Variants in ZNF730 observed in about 807,000 individuals in gnomAD.
ZNF730 encodes the protein putative zinc finger protein 730.
Under a neutral mutation model 12.6 loss-of-function variants are expected in ZNF730, and 12 were observed. The ratio of observed to expected loss-of-function variants is 0.95; its 90% CI spans 0.61 to 1.54. The LOEUF is 1.54. Among genes scored for constraint, ZNF730 ranks in the 40% most tolerant of loss-of-function variants. The pLI is 0.00. For synonymous variants in ZNF730, 194 were observed against 195.8 expected, an observed-to-expected ratio of 0.99 and a Z score of 0.08; for missense variants, 643 against 583.5, an observed-to-expected ratio of 1.10 and a Z score of -1.05.
intron 1 of ZNF730, chr19:23,100,293 G>A (rs556873580): frequency 2.6e-5 from 4 of 152,106 alleles, no homozygotes; most frequent in Non-Finnish European, 5.9e-5. Context: ...CATATATCGT[G>A]GCCAAGCACA....
intron 2 of ZNF730, 125 bp from the exon 3 acceptor site, chr19:23,135,823 T>G (rs1274063750): frequency 1.0e-6 from 1 of 959,252 alleles, no homozygotes; most frequent in African/African-American, 1.7e-5. Context: ...TTTAGAAAAT[T>G]TTTATAAATT....
At chr19:23,077,859 C>T (rs1001903008) in intron 1 of ZNF730, among the ~76,000 whole-genome samples, 3 of 152,158 alleles carry the variant, frequency 2.0e-5, no homozygotes, top group African/African-American at 7.2e-5. Context: ...TGCTATTAAT[C>T]TGTAACCCTA....
At chr19:23,144,078 G>C (rs1970967122) in intron 3 of ZNF730, 1 of 151,378 alleles carries the variant, frequency 6.6e-6, no homozygotes, top group Non-Finnish European at 1.5e-5. Context: ...TCTGTAGTCT[G>C]TGTTCCTGTT....
At chr19:23,097,478 A>G (rs1419715914) in intron 1 of ZNF730, among the ~76,000 whole-genome samples, 2 of 152,298 alleles carry the variant, frequency 1.3e-5, no homozygotes, top group South Asian at 2.1e-4. Flanking sequence ...TGCTGGGCCC[A>G]ACACCAAGGT....
chr19:23,113,457 A>G (rs909763940), upstream of ZNF730, among the ~76,000 whole-genome samples: 2 of 152,234 alleles, frequency 1.3e-5, no homozygotes, highest in Non-Finnish European at 2.9e-5. Flanking sequence ...ACCATAACCT[A>G]GGAATGACAT....
At chr19:23,094,529 C>T (rs547431877) in intron 1 of ZNF730, among the ~76,000 whole-genome samples, 1 of 152,186 alleles carries the variant, frequency 6.6e-6, no homozygotes, top group East Asian at 1.9e-4. Context: ...GTCACCCAGG[C>T]TGGGCACCAT....
At chr19:23,114,242 C>T (rs910874270), upstream of ZNF730, among the ~76,000 whole-genome samples, 4 of 151,818 alleles carry the variant, frequency 2.6e-5, no homozygotes, top group Admixed American at 1.3e-4. Context: ...TTTGCAAATC[C>T]CTCTTTGCCC....
chr19:23,134,700 G>A (rs1390792390), intron 2 of ZNF730, among the ~76,000 whole-genome samples: 4 of 144,112 alleles, frequency 2.8e-5, no homozygotes, highest in African/African-American at 7.7e-5. Flanking sequence ...CCCTCTGCCC[G>A]GCCACGACCC....
intron 1 of ZNF730, among the ~76,000 whole-genome samples, chr19:23,094,238 G>A (rs1285736881): frequency 6.8e-6 from 1 of 147,010 alleles, no homozygotes; most frequent in African/African-American, 2.5e-5. Context: ...TCTCTGTTAT[G>A]CTCCTTCCTG....
rs1970859152 is a variant in ZNF730, at chr19:23,138,140, G to A, written c.226+2097G>A. Among the ~76,000 whole-genome samples, 2 of 62,584 alleles carry A rather than the reference G, an allele frequency of 3.2e-5. 1 individual carries two copies. Among genetic ancestry groups the A allele is most frequent in the Middle Eastern group, 0.016 (2 of 128 alleles). The allele number at this position is 62,584 out of a possible 152,430, so 41.1% of individuals were successfully genotyped here. A position where few individuals can be genotyped will look rare whatever the true frequency, so the allele number is the denominator to read the frequency against. ...CTACTAAAAATACAAAAAATTAGCC[G>A]GGCGTGGTGGCGGGCGCCTGTAGTC... On this transcript the variant is annotated intron_variant, in intron 3 of 3. Coordinates refer to ENST00000597761, the MANE Select transcript of ZNF730 (RefSeq NM_001277403.2).
chr19:23,107,449 C>CAAAAAAAAAAAAAAAAAAA lies in ZNF730; in HGVS notation c.-93-26623_-93-26605dup, dbSNP rs57120684. Among the ~76,000 whole-genome samples the CAAAAAAAAAAAAAAAAAAA allele has an allele frequency of 8.5e-5, 4 of 47,320 alleles. 1 individual carries two copies. Among genetic ancestry groups the CAAAAAAAAAAAAAAAAAAA allele is most frequent in the African/African-American group, 2.5e-4 (3 of 11,792 alleles). The allele number at this position is 47,320 out of a possible 152,430, so 31.0% of individuals were successfully genotyped here. A position where few individuals can be genotyped will look rare whatever the true frequency, so the allele number is the denominator to read the frequency against. Reference sequence around the variant, plus strand: ...TGTCTCTACTTTAAAAAAAAAATACCAAAAAAAAAAAAAAAAAAAAAAAAA... The same window carrying CAAAAAAAAAAAAAAAAAAA: ...TGTCTCTACTTTAAAAAAAAAATACCAAAAAAAAAAAAAAAAAAAAAAAAAAAAAAAAAAAAAAAAAAAA... On this transcript the variant is annotated intron_variant, in intron 1 of 2. Coordinates refer to the ZNF730 transcript ENST00000593635.
chr19:23,129,571 A>AT (rs942372474), intron 1 of ZNF730, among the ~76,000 whole-genome samples: 10 of 111,552 alleles, frequency 9.0e-5, no homozygotes, highest in African/African-American at 1.7e-4. Context: ...CAATGCTTGT[A>AT]TCCCCCCCCC....
intron 1 of ZNF730, among the ~76,000 whole-genome samples, chr19:23,094,724 T>C (rs1027179573): frequency 6.6e-6 from 1 of 152,178 alleles, no homozygotes; most frequent in Non-Finnish European, 1.5e-5. Context: ...TCCACCCACC[T>C]CGGCCTCCCA....
Position 23,145,388 on chromosome 19 carries a change from A to C in ZNF730, c.344A>C (p.Lys115Thr). ...KCRHENLLLR[K>T]GCKNVDEFKM... ...AGACATGAGAATTTACTGTTAAGAA[A>C]AGGCTGTAAAAATGTGGATGAGTTT... The change falls in exon 4 of 4, where the codon AAA (lysine) becomes ACA (threonine). Residue 115 changes from lysine to threonine, a missense_variant. Coordinates refer to ENST00000597761, the MANE Select transcript of ZNF730 (RefSeq NM_001277403.2). The C allele has an allele frequency of 6.3e-7, 1 of 1,590,860 alleles. No individual in the cohort carries two copies. The highest frequency in any genetic ancestry group is 2.3e-5 in the East Asian group (1 of 43,836).
chr19:23,075,999 A>G (rs1489536178), intron 1 of ZNF730, among the ~76,000 whole-genome samples: 1 of 152,098 alleles, frequency 6.6e-6, no homozygotes, highest in Non-Finnish European at 1.5e-5. Flanking sequence ...TAATTATTTT[A>G]ACACTCCACA....
Position 23,110,901 on chromosome 19 carries a change from A to G in ZNF730, c.-93-23179A>G, listed in dbSNP as rs1302002912. On this transcript the variant is annotated intron_variant, in intron 1 of 2. Coordinates refer to the ZNF730 transcript ENST00000593635. ...AGTACTGAAGTTTTTTAGACATGCC[A>G]TTTGAATGAACTCTGTGGCCTAAGT... Among the ~76,000 whole-genome samples, 7 of 152,226 alleles carry G rather than the reference A, an allele frequency of 4.6e-5. No homozygotes were observed. The South Asian group carries it at 6.2e-4, about 13-fold the overall frequency.
chr19:23,114,356 G>A (rs928131286), upstream of ZNF730, among the ~76,000 whole-genome samples: 2 of 128,930 alleles, frequency 1.6e-5, no homozygotes, highest in African/African-American at 3.0e-5. Flanking sequence ...ACCCAGGCTG[G>A]AGTGCAGTGG....
chr19:23,143,206 C>T (rs1035639565), intron 3 of ZNF730, among the ~76,000 whole-genome samples: 1 of 152,016 alleles, frequency 6.6e-6, no homozygotes, highest in Non-Finnish European at 1.5e-5. Context: ...AATAGTGCCA[C>T]TGCACTCCAG....
upstream of ZNF730, among the ~76,000 whole-genome samples, chr19:23,115,825 A>G (rs572826989): frequency 3.3e-5 from 5 of 152,320 alleles, no homozygotes; most frequent in South Asian, 1.0e-3. Flanking sequence ...GACCATCTCA[A>G]TTATTACCTA....
Sources: allele counts gnomAD v4.1 joint callset (sites outside exome capture counted in the v4.1 genomes callset), GRCh38; gene constraint gnomAD v4.1.1; transcripts MANE v1.5; gene names NCBI Gene and HGNC (gene_info 2026-07-23, HGNC 2026-07-21).